The following HMCN1 variants were observed in gnomAD, a reference collection of about 807,000 sequenced individuals.
HMCN1 encodes hemicentin-1.
Under a neutral mutation model 625.9 loss-of-function variants are expected in HMCN1, and 321 were observed. That is an observed-to-expected ratio of 0.51 (90% CI 0.47 to 0.56). The LOEUF is 0.56. Among genes scored for constraint, HMCN1 ranks in the 20% least tolerant of loss-of-function variants. The pLI is 0.00. For missense variants in HMCN1, 6,588 were observed against 6,887.3 expected, an observed-to-expected ratio of 0.96 and a Z score of 1.54; for synonymous variants, 2,425 against 2,417.6, an observed-to-expected ratio of 1.00 and a Z score of -0.09.
At chr1:185,821,469 A>G (rs1420877961) in intron 1 of HMCN1, among the ~76,000 whole-genome samples, 1 of 152,146 alleles carries the variant, frequency 6.6e-6, no homozygotes, top group Non-Finnish European at 1.5e-5. Context: ...AGCATATTAT[A>G]ATCTCTACTG....
chr1:185,739,253 T>C (rs1653808532), intron 1 of HMCN1, among the ~76,000 whole-genome samples: 1 of 152,236 alleles, frequency 6.6e-6, no homozygotes, highest in African/African-American at 2.4e-5. Context: ...CACAATTTCT[T>C]TGTCTAGTCC....
At chr1:185,766,119 G>A (rs912117424) in intron 1 of HMCN1, among the ~76,000 whole-genome samples, 2 of 152,136 alleles carry the variant, frequency 1.3e-5, no homozygotes, top group African/African-American at 4.8e-5. Context: ...CTTTAATGAA[G>A]CTTATTAAAC....
chr1:186,064,421 A>G (rs1400426975), intron 48 of HMCN1, among the ~76,000 whole-genome samples: 2 of 152,150 alleles, frequency 1.3e-5, no homozygotes, highest in Admixed American at 6.6e-5. Context: ...TCTATGATAG[A>G]ATCCTGGTAT....
chr1:185,924,921 G>T (rs1667199029), intron 8 of HMCN1, 126 bp from the exon 9 acceptor site: 6 of 858,168 alleles, frequency 7.0e-6, no homozygotes, highest in South Asian at 4.4e-5. Flanking sequence ...TGGGTTAATT[G>T]GAATGCAGAG....
Position 186,145,839 on chromosome 1 carries a change from G to T in HMCN1, c.14524G>T (p.Asp4842Tyr). The T allele has an allele frequency of 6.2e-7, 1 of 1,614,038 alleles. No homozygotes were observed. The highest frequency in any genetic ancestry group is 1.1e-5 in the South Asian group (1 of 91,066). The change falls in exon 93 of 107, where the codon GAC becomes TAC. Residue 4842 changes from aspartate (D) to tyrosine (Y), a missense_variant. By Grantham distance (160) the Asp-to-Tyr change is radical. This residue lies in a region of HMCN1 where 1,954 missense variants were observed against 2,013.1 expected (regional missense o/e 0.97). Coordinates refer to ENST00000271588, the MANE Select transcript of HMCN1 (RefSeq NM_031935.3). ...TGAAAAGACTCGGAAGCGGCTGTGCGACCATCCTGTGCCAGTTAAAGGTGG... is the reference window on the plus strand; with the variant it reads ...TGAAAAGACTCGGAAGCGGCTGTGCTACCATCCTGTGCCAGTTAAAGGTGG... Reference protein sequence around the residue: ...GGEKTRKRLCDHPVPVKGGRP... With the variant: ...GGEKTRKRLCYHPVPVKGGRP...
chr1:185,953,097 C>A (rs1206298980), intron 11 of HMCN1, among the ~76,000 whole-genome samples: 1 of 150,244 alleles, frequency 6.7e-6, no homozygotes, highest in African/African-American at 2.5e-5. Flanking sequence ...GCCCCTCCCC[C>A]AGAAAAGCGG....
At chr1:185,751,476 T>C (rs1034631486) in intron 1 of HMCN1, among the ~76,000 whole-genome samples, 9 of 152,120 alleles carry the variant, frequency 5.9e-5, no homozygotes, top group African/African-American at 2.2e-4. Context: ...ATTCAGTGTC[T>C]AAGCATAGAT....
rs1033292422 is a variant in HMCN1 at position 186,015,341 on chromosome 1, A to T, written c.4813A>T (p.Ile1605Phe). The change falls in exon 31 of 107, where the codon ATT becomes TTT. Residue 1605 changes from isoleucine (I) to phenylalanine (F), a missense_variant. Around this residue, in one of 3 missense-constraint regions of HMCN1, gnomAD observed 4,628 missense variants for 4,853.1 expected, o/e 0.95. Transcript: ENST00000271588. ...LYIDKGQYLH[I>F]PRAQVSDSAT... Reference sequence around the variant, plus strand: ...TATTGATAAAGGACAATATCTTCATATTCCTCGAGCACAGGTCTCTGATTC... The same window carrying T: ...TATTGATAAAGGACAATATCTTCATTTTCCTCGAGCACAGGTCTCTGATTC... 2 of 1,613,666 alleles carry T rather than the reference A, an allele frequency of 1.2e-6. No homozygotes were observed. Among genetic ancestry groups the T allele is most frequent in the African/African-American group, 2.7e-5 (2 of 74,898 alleles).
chr1:185,822,821 T>A (rs73072052), intron 1 of HMCN1, among the ~76,000 whole-genome samples: 8,911 of 152,104 alleles, frequency 0.059, 882 homozygotes, highest in African/African-American at 0.2. Flanking sequence ...CATCCCTGTT[T>A]TGGGCAGGAA....
chr1:185,769,253 G>A lies in HMCN1; in HGVS notation c.268+34206G>A, dbSNP rs993444653. Reference sequence around the variant, plus strand: ...ACTGGAGCCCAGGAGCTTAAGACCAGCCTGAGTAACATGTCAGGACTTCAT... The same window carrying A: ...ACTGGAGCCCAGGAGCTTAAGACCAACCTGAGTAACATGTCAGGACTTCAT... On this transcript the variant is annotated intron_variant, in intron 1 of 106. Coordinates refer to ENST00000271588, the MANE Select transcript of HMCN1 (RefSeq NM_031935.3). Among the ~76,000 whole-genome samples the A allele has an allele frequency of 2.0e-5, 3 of 152,076 alleles. No homozygotes were observed. The East Asian group carries it at 5.8e-4, about 29-fold the overall frequency.
intron 11 of HMCN1, among the ~76,000 whole-genome samples, chr1:185,940,406 A>G (rs1408909063): frequency 1.3e-5 from 2 of 152,116 alleles, no homozygotes; most frequent in African/African-American, 4.8e-5. Context: ...TCTCCCATGA[A>G]TAATCTATGA....
chr1:185,855,896 A>G (rs1402048136), intron 2 of HMCN1, among the ~76,000 whole-genome samples: 2 of 152,212 alleles, frequency 1.3e-5, no homozygotes, highest in Non-Finnish European at 2.9e-5. Flanking sequence ...AAAGAGCAGC[A>G]TAGTTTGACT....
chr1:186,178,205 G>A (rs1382844087), intron 103 of HMCN1, among the ~76,000 whole-genome samples: 1 of 152,126 alleles, frequency 6.6e-6, no homozygotes, highest in East Asian at 1.9e-4. Flanking sequence ...AGTATTTAGG[G>A]GGAGATTTGC....
chr1:186,073,985 G>T (rs1214875957), intron 52 of HMCN1, among the ~76,000 whole-genome samples: 1 of 151,964 alleles, frequency 6.6e-6, no homozygotes, highest in African/African-American at 2.4e-5. Context: ...GGAGCTAAGA[G>T]AACACAGCAT....
At chr1:186,136,492 AAG>A (rs1372774049) in intron 86 of HMCN1, among the ~76,000 whole-genome samples, 174 bp from the exon 87 acceptor site, 1 of 152,206 alleles carries the variant, frequency 6.6e-6, no homozygotes, top group Non-Finnish European at 1.5e-5. Flanking sequence ...CTAAATAAAA[AAG>A]AATTATGAAA....
At chr1:186,186,992 T>TCACACACA (rs200279097) in intron 105 of HMCN1, among the ~76,000 whole-genome samples, 1,751 of 95,370 alleles carry the variant, frequency 0.018, 24 homozygotes, top group South Asian at 0.05. Context: ...TCTGTCTCTG[T>TCACACACA]CTCACACACA....
chr1:185,901,502 T>C (rs906931903), intron 4 of HMCN1, among the ~76,000 whole-genome samples: 1 of 151,708 alleles, frequency 6.6e-6, no homozygotes, highest in Non-Finnish European at 1.5e-5. Context: ...TTACTAGAAA[T>C]CTGTAATTTA....
In HMCN1 at chr1:186,007,197, A is replaced by C. The variant is rs762645214; in HGVS notation, c.4545A>C (p.Ala1515=). The C allele has an allele frequency of 3.1e-6, 5 of 1,613,338 alleles. No individual in the cohort carries two copies. In the South Asian group the frequency reaches 5.5e-5, roughly 18 times the overall value. ...DRGQVLHLKN[A]RRNDKGRYQC... is the part of the protein sequence containing the mutation. ...GACAAGTCTTACATTTAAAGAATGCACGGAGAAATGACAAGGGGCGCTACC... is the reference window on the plus strand; with the variant it reads ...GACAAGTCTTACATTTAAAGAATGCCCGGAGAAATGACAAGGGGCGCTACC... Residue 1515 remains alanine (A), a synonymous_variant, in exon 30 of 107, where the codon GCA becomes GCC. Coordinates refer to ENST00000271588, the MANE Select transcript of HMCN1 (RefSeq NM_031935.3).
chr1:185,902,736 T>A (rs971343466), intron 4 of HMCN1, among the ~76,000 whole-genome samples: 2 of 151,534 alleles, frequency 1.3e-5, no homozygotes, highest in Admixed American at 1.3e-4. Flanking sequence ...TGGTTTGAAG[T>A]TTTTTCCTGC....
Sources: gnomAD v4.1 joint callset for allele counts (sites outside exome capture counted in the v4.1 genomes callset) on GRCh38, gnomAD v4.1.1 for gene constraint, gnomAD v4.1.1 regional missense constraint, MANE v1.5 for transcripts, NCBI Gene and HGNC (gene_info 2026-07-23, HGNC 2026-07-21) for gene names.